Variants in LAMA1 observed in about 807,000 individuals in gnomAD.
LAMA1 encodes the protein laminin subunit alpha-1.
In LAMA1, 219 loss-of-function variants were observed where a neutral mutation model predicts 348.7. The ratio of observed to expected loss-of-function variants is 0.63; its 90% CI spans 0.56 to 0.70. The LOEUF (loss-of-function observed/expected upper bound fraction) is 0.70. LAMA1 is among the 30% of genes least tolerant of loss of function. The probability of loss-of-function intolerance (pLI) is 0.00; values close to 1 mark genes in which losing one functional copy is unlikely to be tolerated. For missense variants in LAMA1, 3,744 were observed against 3,888.0 expected (o/e 0.96, Z 0.99); for synonymous variants, 1,487 against 1,491.0 (o/e 1.00, Z 0.06).
Position 7,061,697 on chromosome 18 carries a change from T to A in LAMA1, c.346-10761A>T, listed in dbSNP as rs145142708. 2.7e-3 allele frequency among the ~76,000 whole-genome samples: 412 copies of A among 152,224 alleles called. 4 individuals are homozygous for A. Among genetic ancestry groups the A allele is most frequent in the African/African-American group, 9.4e-3 (391 of 41,538 alleles). On this transcript the variant is annotated intron_variant, in intron 3 of 62. Transcript: ENST00000389658. ...ATGTGGAAGTAGGCTCACAAATCTG[T>A]CATGGAGATTGGAAAAAGCAGTCTG...
intron 53 of LAMA1, chr18:6,959,941 A>AT (rs1181453183): frequency 2.4e-5 from 6 of 247,464 alleles, no homozygotes; most frequent in African/African-American, 9.0e-5. Context: ...AAAGCTTTTA[A>AT]TTTTTTTTCG....
chr18:7,038,749 T>C lies in LAMA1; in HGVS notation c.1563+61A>G, dbSNP rs1458606345. The C allele has an allele frequency of 4.4e-6, 7 of 1,606,586 alleles. No homozygotes were observed. The Admixed American group carries it at 1.2e-4, about 27-fold the overall frequency. On this transcript the variant is annotated intron_variant, in intron 11 of 62. Transcript: ENST00000389658. ...CCTCATTTCCTCCTCACACAGCTCG[T>C]GCCAAGCTTGTGCAATACGACCTGC...
chr18:6,957,212 CTCCTGTGCTGTG>C (rs1304472491), intron 55 of LAMA1: 15 of 275,562 alleles, frequency 5.4e-5, no homozygotes, highest in African/African-American at 3.3e-4. Context: ...CACTCTGCAG[CTCCTGTGCTGTG>C]TCCTGTGCCT....
chr18:7,047,455 T>TATCA (rs1056938614), intron 5 of LAMA1, among the ~76,000 whole-genome samples: 5 of 152,226 alleles, frequency 3.3e-5, no homozygotes, highest in African/African-American at 1.2e-4. Flanking sequence ...AAAAGTTATA[T>TATCA]ATCAGGTGCA....
At chr18:6,947,408 C>T in intron 60 of LAMA1, 112 bp from the exon 61 acceptor site, 1 of 1,241,152 alleles carries the variant, frequency 8.1e-7, no homozygotes, top group East Asian at 2.4e-5. Context: ...TCCTTTGGAT[C>T]CAGCTGCATC....
chr18:6,985,413 AT>A lies in LAMA1; in HGVS notation c.5497-14del. ...GATCCTCTAAGTGCTACATGGAGAA[AT>A]TAATATTGTAAATATATGCACATCT... is the stretch of plus-strand genomic sequence containing the variant. On this transcript the variant is annotated splice_polypyrimidine_tract_variant and intron_variant, in intron 38 of 62. Coordinates refer to ENST00000389658, the MANE Select transcript of LAMA1 (RefSeq NM_005559.4). 2 of 1,614,084 alleles carry A rather than the reference AT, an allele frequency of 1.2e-6. No individual in the cohort carries two copies.
chr18:6,947,684 T>C (rs1225852766), intron 60 of LAMA1, among the ~76,000 whole-genome samples: 1 of 152,182 alleles, frequency 6.6e-6, no homozygotes, highest in Non-Finnish European at 1.5e-5. Context: ...TCCTAGTATC[T>C]GTGTACTTGT....
rs1033478243 is a variant in LAMA1 at position 6,958,393 on chromosome 18, G to A, written c.7964+84C>T. The A allele has an allele frequency of 2.1e-6, 3 of 1,444,786 alleles. No homozygotes were observed. The African/African-American group carries it at 4.2e-5, about 20-fold the overall frequency. The allele number at this position is 1,444,786 out of a possible 1,614,324, so 89.5% of individuals were successfully genotyped here. A position where few individuals can be genotyped will look rare whatever the true frequency, so the allele number is the denominator to read the frequency against. On this transcript the variant is annotated intron_variant, in intron 55 of 62. Coordinates refer to ENST00000389658, the MANE Select transcript of LAMA1 (RefSeq NM_005559.4). ...TTTGCAAAGTTTTCAATCTCAAACAGTACAATGAGATTTCAGATTAGTGTT... is the reference window on the plus strand; with the variant it reads ...TTTGCAAAGTTTTCAATCTCAAACAATACAATGAGATTTCAGATTAGTGTT...
At position 7,079,755 on chromosome 18, in the gene LAMA1, A is replaced by G. The variant is rs576439948; in HGVS notation, c.345+220T>C. ...GCTTCGAAGAACATCAACCATATGG[A>G]AGCAATTTCACCCATCTCCCTGAAG... On this transcript the variant is annotated intron_variant, in intron 3 of 62. Transcript: ENST00000389658. 1.9e-5 allele frequency: 11 copies of G among 571,690 alleles called. 1 individual carries two copies. In the Admixed American group the frequency reaches 2.9e-4, roughly 15 times the overall value. The allele number at this position is 571,690 out of a possible 1,614,324, so 35.4% of individuals were successfully genotyped here.
At chr18:6,948,972 T>C in intron 59 of LAMA1, 129 bp downstream of exon 59, 1 of 1,226,874 alleles carries the variant, frequency 8.2e-7, no homozygotes, top group South Asian at 1.3e-5. Flanking sequence ...GCCTGCAAAG[T>C]AAACCTCTTC....
chr18:7,018,698 A>T lies in LAMA1; in HGVS notation c.2702-1314T>A, dbSNP rs76559367. On this transcript the variant is annotated intron_variant, in intron 19 of 62. Coordinates refer to ENST00000389658, the MANE Select transcript of LAMA1 (RefSeq NM_005559.4). ...GCGTGAGCCACCGCGCCGGGCCCCCAGGCACTCTTTATAAATGTGTGGACT... is the reference window on the plus strand; with the variant it reads ...GCGTGAGCCACCGCGCCGGGCCCCCTGGCACTCTTTATAAATGTGTGGACT... Among the ~76,000 whole-genome samples the T allele has an allele frequency of 8.0e-3, 1,222 of 152,240 alleles. 11 individuals carry two copies. The highest frequency in any genetic ancestry group is 0.014 in the Non-Finnish European group (955 of 68,014).
chr18:6,960,493 T>C (rs1428567503), intron 53 of LAMA1: 1 of 151,854 alleles, frequency 6.6e-6, no homozygotes, highest in Non-Finnish European at 1.5e-5. Flanking sequence ...AATTGGTGGT[T>C]GCCAGGAGTG....
intron 3 of LAMA1, among the ~76,000 whole-genome samples, chr18:7,069,675 G>T (rs1244312561): frequency 6.6e-6 from 1 of 152,158 alleles, no homozygotes; most frequent in Non-Finnish European, 1.5e-5. Flanking sequence ...ATGCTGTGAG[G>T]AAGCTCAGGC....
At chr18:7,107,886 T>C (rs572234842) in intron 1 of LAMA1, among the ~76,000 whole-genome samples, 92 of 151,616 alleles carry the variant, frequency 6.1e-4, no homozygotes, top group East Asian at 1.6e-3. Context: ...TGGTGGCGGG[T>C]GCCTGTAGTC....
intron 3 of LAMA1, among the ~76,000 whole-genome samples, chr18:7,061,545 A>G (rs943767404): frequency 1.3e-5 from 2 of 152,194 alleles, no homozygotes. Context: ...GCCGTTAACT[A>G]TCAAGTTTTC....
chr18:6,959,005 G>A (rs1282587162), intron 54 of LAMA1, among the ~76,000 whole-genome samples: 2 of 151,982 alleles, frequency 1.3e-5, no homozygotes, highest in African/African-American at 4.8e-5. Context: ...AAATATACAG[G>A]AATGTTGATA....
At chr18:6,995,573 TA>T (rs200746080) in intron 33 of LAMA1, 127 bp from the exon 34 acceptor site, 346 of 657,190 alleles carry the variant, frequency 5.3e-4, no homozygotes, top group East Asian at 6.4e-4. Flanking sequence ...ACTGTCATTT[TA>T]AAAAAAAATG....
At chr18:6,993,611 A>T (rs2057767848) in intron 35 of LAMA1, 30 bp downstream of exon 35, 1 of 1,425,246 alleles carries the variant, frequency 7.0e-7, no homozygotes, top group East Asian at 2.3e-5. Flanking sequence ...ATAAGCACAG[A>T]TACTTCAAAC....
At chr18:7,003,096 TG>T (rs2057815329) in intron 29 of LAMA1, among the ~76,000 whole-genome samples, 1 of 152,074 alleles carries the variant, frequency 6.6e-6, no homozygotes, top group African/African-American at 2.4e-5. Flanking sequence ...TTGCCCAGGC[TG>T]GTCTCAAACT....
Sources: allele counts gnomAD v4.1 joint callset (sites outside exome capture counted in the v4.1 genomes callset), GRCh38; gene constraint gnomAD v4.1.1; transcripts MANE v1.5; gene names NCBI Gene and HGNC (gene_info 2026-07-23, HGNC 2026-07-21).